PSME4: variants seen among roughly 807,000 people sequenced by gnomAD.
The protein encoded by PSME4 is proteasome activator complex subunit 4.
PSME4 carries 89 observed loss-of-function variants against 253.9 expected under a neutral mutation model. That is an observed-to-expected ratio of 0.35 (90% CI 0.30 to 0.42). The LOEUF is 0.42. PSME4 is among the 10% of genes least tolerant of loss of function. The pLI is 1.00. For synonymous variants in PSME4, 851 were observed against 759.2 expected (o/e 1.12, Z -1.99); for missense variants, 2,014 against 2,195.2 (o/e 0.92, Z 1.65).
intron 28 of PSME4, among the ~76,000 whole-genome samples, chr2:53,900,474 G>C (rs905595777): frequency 5.3e-5 from 8 of 151,986 alleles, no homozygotes; most frequent in Non-Finnish European, 8.8e-5. Flanking sequence ...GGAAGGCTGA[G>C]GCAGGGGATG....
intron 32 of PSME4, 142 bp from the exon 33 acceptor site, chr2:53,895,878 G>T: frequency 1.5e-6 from 1 of 678,108 alleles, no homozygotes; most frequent in South Asian, 2.6e-5. Context: ...ATATATATGA[G>T]CAATTGGAGG....
chr2:53,890,903 T>G (rs1679875599), intron 36 of PSME4, among the ~76,000 whole-genome samples: 1 of 152,128 alleles, frequency 6.6e-6, no homozygotes, highest in Non-Finnish European at 1.5e-5. Context: ...GGCACATGCC[T>G]GTAATCCCAA....
At position 53,947,010 on chromosome 2, in the gene PSME4, T is replaced by A. The variant is rs566918088; in HGVS notation, c.500+1411A>T. On this transcript the variant is annotated intron_variant, in intron 3 of 46. Coordinates refer to ENST00000404125, the MANE Select transcript of PSME4 (RefSeq NM_014614.3). ...ATACTTGCACAATGCACTATTCTAT[T>A]TCGTGATAAAATTTGCTATTTTTAT... 2.8e-4 allele frequency among the ~76,000 whole-genome samples: 43 copies of A among 152,308 alleles called. 1 individual carries two copies. Among genetic ancestry groups the A allele is most frequent in the Non-Finnish European group, 5.7e-4 (39 of 68,008 alleles).
At chr2:53,954,917 C>T (rs868049170) in intron 1 of PSME4, among the ~76,000 whole-genome samples, 1 of 152,034 alleles carries the variant, frequency 6.6e-6, no homozygotes, top group Middle Eastern at 3.4e-3. Flanking sequence ...CTGTGGCTCA[C>T]GTCTATAATC....
Position 53,921,110 on chromosome 2 carries a change from A to G in PSME4, c.2047-6T>C, listed in dbSNP as rs200106189. The G allele has an allele frequency of 1.2e-6, 2 of 1,613,060 alleles. No individual in the cohort carries two copies. Among genetic ancestry groups the G allele is most frequent in the Non-Finnish European group, 8.5e-7 (1 of 1,179,846 alleles). On this transcript the variant is annotated splice_region_variant and splice_polypyrimidine_tract_variant and intron_variant, in intron 17 of 46. Transcript: ENST00000404125. ...CTTCCATCCACTCGAGTAATCTAAA[A>G]GGAGGGAAAAAATAGTTGAAGATAT...
At chr2:53,909,073 A>C (rs1358432860) in intron 21 of PSME4, among the ~76,000 whole-genome samples, 1 of 152,096 alleles carries the variant, frequency 6.6e-6, no homozygotes, top group African/African-American at 2.4e-5. Flanking sequence ...GAAAAATAAT[A>C]ATAATAAAAA....
chr2:53,889,991 AAAC>A, intron 37 of PSME4, 110 bp downstream of exon 37: 1 of 869,498 alleles, frequency 1.2e-6, no homozygotes, highest in African/African-American at 1.7e-5. Context: ...AACAATTAAA[AAAC>A]AAAACCCAAA....
At chr2:53,910,811 A>T (rs565212824) in intron 20 of PSME4, among the ~76,000 whole-genome samples, 5 of 152,290 alleles carry the variant, frequency 3.3e-5, no homozygotes, top group African/African-American at 1.2e-4. Flanking sequence ...TGAAATCTAC[A>T]TTTTCTTTAG....
At chr2:53,908,483 T>G in intron 23 of PSME4, 27 bp downstream of exon 23, 1 of 1,609,526 alleles carries the variant, frequency 6.2e-7, no homozygotes, top group African/African-American at 1.3e-5. Context: ...TATTAATCAT[T>G]ATGCAACTAT....
intron 43 of PSME4, among the ~76,000 whole-genome samples, chr2:53,872,845 A>T (rs1459455372): frequency 3.3e-5 from 5 of 151,066 alleles, no homozygotes; most frequent in African/African-American, 1.2e-4. Flanking sequence ...AACAATGACA[A>T]GGTCATTGTT....
In PSME4 at chr2:53,904,006, T is replaced by C. The variant is rs370780968; in HGVS notation, c.3075+19A>G. 6.2e-5 allele frequency: 98 copies of C among 1,580,076 alleles called. 1 individual carries two copies. The highest frequency in any genetic ancestry group is 1.5e-4 in the African/African-American group (11 of 73,516). On this transcript the variant is annotated intron_variant, in intron 27 of 46. Coordinates refer to ENST00000404125, the MANE Select transcript of PSME4 (RefSeq NM_014614.3). ...ATGTTTGAAAATGTTTACAGTAAAA[T>C]AGGAAAAAAACCCTATACCTTGAAT...
intron 6 of PSME4, 96 bp downstream of exon 6, chr2:53,936,668 G>C: frequency 1.2e-6 from 1 of 811,792 alleles, no homozygotes; most frequent in Non-Finnish European, 1.9e-6. Flanking sequence ...CTTACCAAAT[G>C]ATCTATTAAT....
intron 8 of PSME4, among the ~76,000 whole-genome samples, chr2:53,934,238 T>G (rs1215402812): frequency 1.3e-5 from 2 of 152,226 alleles, no homozygotes. Flanking sequence ...CAATGTTTTA[T>G]GTGAATATTA....
In PSME4 at chr2:53,931,945, C is replaced by G; in HGVS notation, c.1206G>C (p.Gln402His). Residue 402 changes from glutamine to histidine, a missense_variant, in exon 10 of 47, where the codon CAG (glutamine) becomes CAC (histidine). Around this residue, in one of 4 missense-constraint regions of PSME4, gnomAD observed 615 missense variants for 594.4 expected, o/e 1.03. Transcript: ENST00000404125. ...TGCTAAACATAGCCAAGAGGACAGG[C>G]TGAATAATGCATTGTACAAAGTCTG... ...DVTDFVQCII[Q>H]PVLLAMFSKT... is the part of the protein sequence containing the mutation. 3 of 1,614,090 alleles carry G rather than the reference C, an allele frequency of 1.9e-6. No individual in the cohort carries two copies. Among genetic ancestry groups the G allele is most frequent in the Non-Finnish European group, 2.5e-6 (3 of 1,179,980 alleles).
chr2:53,949,120 G>C (rs369845179), intron 2 of PSME4, 23 bp downstream of exon 2: 1 of 1,562,158 alleles, frequency 6.4e-7, no homozygotes, highest in East Asian at 2.3e-5. Context: ...AACCTTAACA[G>C]AAACCTCTGG....
At chr2:53,968,989 C>T (rs1018452479) in intron 1 of PSME4, among the ~76,000 whole-genome samples, 2 of 152,124 alleles carry the variant, frequency 1.3e-5, no homozygotes, top group African/African-American at 4.8e-5. Flanking sequence ...AAGCTGTTTG[C>T]GTCCCCAAAA....
At chr2:53,914,539 A>G (rs1193860548) in intron 20 of PSME4, among the ~76,000 whole-genome samples, 1 of 152,204 alleles carries the variant, frequency 6.6e-6, no homozygotes, top group African/African-American at 2.4e-5. Flanking sequence ...ATTACCCACA[A>G]TTACTTTATT....
chr2:53,878,952 C>T (rs1230433696), intron 41 of PSME4, among the ~76,000 whole-genome samples: 1 of 152,166 alleles, frequency 6.6e-6, no homozygotes, highest in African/African-American at 2.4e-5. Flanking sequence ...ACTGCCTCCC[C>T]TTTTGAAAAT....
intron 15 of PSME4, 63 bp downstream of exon 15, chr2:53,923,257 AT>A: frequency 6.6e-7 from 1 of 1,517,776 alleles, no homozygotes; most frequent in Non-Finnish European, 8.9e-7. Flanking sequence ...ACCTCTAATA[AT>A]TAACCATATA....
Sources: allele counts gnomAD v4.1 joint callset (sites outside exome capture counted in the v4.1 genomes callset), GRCh38; gene constraint gnomAD v4.1.1; regional missense constraint gnomAD v4.1.1; transcripts MANE v1.5; gene names NCBI Gene and HGNC (gene_info 2026-07-23, HGNC 2026-07-21).